Variants in IQCM observed in about 807,000 individuals in gnomAD.
IQCM encodes the protein IQ motif containing M.
IQCM carries 45 observed loss-of-function variants against 57.6 expected under a neutral mutation model. The ratio of observed to expected loss-of-function variants is 0.78; its 90% confidence interval spans 0.62 to 1.00. The LOEUF is 1.00. IQCM is among the 50% of genes least tolerant of loss of function. IQCM has a pLI of 0.00. For missense variants in IQCM, 468 were observed against 511.6 expected, an observed-to-expected ratio of 0.91 and a Z score of 0.82; for synonymous variants, 148 against 158.9, an observed-to-expected ratio of 0.93 and a Z score of 0.51.
chr4:149,466,407 G>A (rs1738862671), intron 12 of IQCM, among the ~76,000 whole-genome samples: 1 of 152,160 alleles, frequency 6.6e-6, no homozygotes, highest in East Asian at 1.9e-4. Flanking sequence ...GATCTCTTTT[G>A]CATGGGTCAA....
At chr4:149,592,986 C>A (rs140485729) in intron 8 of IQCM, among the ~76,000 whole-genome samples, 296 of 152,182 alleles carry the variant, frequency 1.9e-3, no homozygotes, top group Admixed American at 2.7e-3. Context: ...TTTTCCAATT[C>A]TTTGAAGAAA....
intron 8 of IQCM, among the ~76,000 whole-genome samples, chr4:149,598,890 G>A (rs1045324836): frequency 2.0e-5 from 3 of 152,160 alleles, no homozygotes; most frequent in African/African-American, 4.8e-5. Context: ...AGTTGGTGGA[G>A]TAAATAGAGG....
chr4:149,421,757 C>T (rs546008137), intron 13 of IQCM, among the ~76,000 whole-genome samples: 17 of 151,730 alleles, frequency 1.1e-4, no homozygotes, highest in South Asian at 6.2e-4. Flanking sequence ...AAATTTTAAA[C>T]GCTTTAAGGA....
intron 12 of IQCM, among the ~76,000 whole-genome samples, chr4:149,481,696 G>GTTTTTTTTTTTTTTTTTTTT (rs1197852884): frequency 1.3e-3 from 43 of 33,608 alleles, no homozygotes; most frequent in Non-Finnish European, 1.4e-3. Flanking sequence ...GATTCTTCCA[G>GTTTTTTTTTTTTTTTTTTTT]TTTTGTTTTT....
At chr4:149,578,327 A>G (rs906089419) in intron 9 of IQCM, among the ~76,000 whole-genome samples, 3 of 151,824 alleles carry the variant, frequency 2.0e-5, no homozygotes, top group African/African-American at 7.2e-5. Context: ...AGGAAACTCC[A>G]TTTTATTGTA....
In IQCM at chr4:149,733,295, G is replaced by A. The variant is rs1388016786; in HGVS notation, c.334C>T (p.His112Tyr). The A allele has an allele frequency of 1.5e-5, 19 of 1,231,568 alleles. No individual in the cohort carries two copies. The highest frequency in any genetic ancestry group is 1.7e-5 in the Non-Finnish European group (17 of 987,742). The allele number at this position is 1,231,568 out of a possible 1,614,324, so 76.3% of individuals were successfully genotyped here. ...PPQRISFKEP[H>Y]IFSRRERCRP... ...CATCTTTCTCTTCTACTAAAAATGTGTGGTTCCTTGAAGGAGATTCGTTGT... is the reference window on the plus strand; with the variant it reads ...CATCTTTCTCTTCTACTAAAAATGTATGGTTCCTTGAAGGAGATTCGTTGT... The change falls in exon 5 of 14, where the codon CAC (histidine) becomes TAC (tyrosine). Residue 112 changes from histidine to tyrosine, a missense_variant. His to Tyr is a moderately conservative substitution (Grantham distance 83, BLOSUM62 2). Coordinates refer to ENST00000636793, the MANE Select transcript of IQCM (RefSeq NM_001363507.2).
At chr4:149,665,303 G>A (rs1288009974) in intron 7 of IQCM, among the ~76,000 whole-genome samples, 2 of 152,114 alleles carry the variant, frequency 1.3e-5, no homozygotes, top group African/African-American at 2.4e-5. Context: ...AGGACTGAAG[G>A]ACCCTCCTGT....
chr4:149,605,353 A>G (rs1754682901), intron 8 of IQCM, among the ~76,000 whole-genome samples: 1 of 152,168 alleles, frequency 6.6e-6, no homozygotes, highest in African/African-American at 2.4e-5. Flanking sequence ...ACATTTGAAA[A>G]TCTTTTATGT....
chr4:149,769,167 C>T (rs879920790), intron 2 of IQCM, among the ~76,000 whole-genome samples: 22 of 152,080 alleles, frequency 1.4e-4, no homozygotes, highest in Non-Finnish European at 2.6e-4. Flanking sequence ...TATTCATGCA[C>T]GCCAGGTTTT....
chr4:149,381,720 A>AGTATGTATGTATGTATGTAT (rs60955059), intron 13 of IQCM, among the ~76,000 whole-genome samples: 1 of 146,494 alleles, frequency 6.8e-6, no homozygotes, highest in African/African-American at 2.5e-5. Context: ...TTTCCCCCAT[A>AGTATGTATGTATGTATGTAT]GTATGTATGT....
chr4:149,611,474 C>CAT (rs1284907341), intron 8 of IQCM, among the ~76,000 whole-genome samples: 1 of 152,002 alleles, frequency 6.6e-6, no homozygotes, highest in East Asian at 1.9e-4. Flanking sequence ...AAGTATGGTA[C>CAT]ATATACACAA....
At chr4:149,525,698 G>A (rs1265632733) in intron 12 of IQCM, among the ~76,000 whole-genome samples, 2 of 151,756 alleles carry the variant, frequency 1.3e-5, no homozygotes, top group Non-Finnish European at 3.0e-5. Flanking sequence ...GTGTACCTTG[G>A]AGTTTGAAAA....
At chr4:149,599,516 T>A (rs540817268) in intron 8 of IQCM, among the ~76,000 whole-genome samples, 2 of 152,052 alleles carry the variant, frequency 1.3e-5, no homozygotes, top group African/African-American at 4.8e-5. Flanking sequence ...TTAAGCTTTG[T>A]GGGTCTTTTT....
intron 12 of IQCM, among the ~76,000 whole-genome samples, chr4:149,529,137 C>T (rs1279018726): frequency 3.3e-5 from 5 of 152,118 alleles, no homozygotes; most frequent in Non-Finnish European, 5.9e-5. Flanking sequence ...AATCTCAGCT[C>T]ACTGCAACCT....
rs1288775736 is a variant in IQCM, at chr4:149,448,359, G to A, written c.1229-14802C>T. On this transcript the variant is annotated intron_variant, in intron 12 of 13. Coordinates refer to ENST00000636793, the MANE Select transcript of IQCM (RefSeq NM_001363507.2). ...ATATCTCTAGGCTGTCACTAAAATG[G>A]TACTTTGAAACCTATAGTACAAATG... 3.3e-5 allele frequency among the ~76,000 whole-genome samples: 5 copies of A among 151,452 alleles called. No individual in the cohort carries two copies. The East Asian group carries it at 5.8e-4, about 18-fold the overall frequency.
chr4:149,541,386 C>A (rs1269812925), intron 12 of IQCM, among the ~76,000 whole-genome samples: 1 of 151,942 alleles, frequency 6.6e-6, no homozygotes, highest in Non-Finnish European at 1.5e-5. Flanking sequence ...TAAAAATGAA[C>A]TTATCATCGT....
chr4:149,591,362 T>C (rs1753145352), intron 8 of IQCM, among the ~76,000 whole-genome samples: 1 of 152,196 alleles, frequency 6.6e-6, no homozygotes, highest in Middle Eastern at 3.4e-3. Flanking sequence ...TATAGATACA[T>C]TTCATTTAAC....
chr4:149,650,595 T>C (rs1579851260), intron 7 of IQCM, among the ~76,000 whole-genome samples: 1 of 151,866 alleles, frequency 6.6e-6, no homozygotes, highest in South Asian at 2.1e-4. Context: ...TCACCATGTT[T>C]GCCAGGCTGG....
Position 149,703,164 on chromosome 4 carries a change from T to A in IQCM, c.386-16696A>T, listed in dbSNP as rs151246678. 1.3e-3 allele frequency among the ~76,000 whole-genome samples: 205 copies of A among 152,064 alleles called. 8 individuals carry two copies. The East Asian group carries it at 0.038, about 28-fold the overall frequency. ...ATTTGCAACTTTCTCTTTAAATGCATACATACTTAAATGTTTAGCAGCCAC... is the reference window on the plus strand; with the variant it reads ...ATTTGCAACTTTCTCTTTAAATGCAAACATACTTAAATGTTTAGCAGCCAC... On this transcript the variant is annotated intron_variant, in intron 5 of 13. Transcript: ENST00000636793.
Sources: allele counts gnomAD v4.1 joint callset (sites outside exome capture counted in the v4.1 genomes callset), GRCh38; gene constraint gnomAD v4.1.1; transcripts MANE v1.5; gene names NCBI Gene and HGNC (gene_info 2026-07-23, HGNC 2026-07-21).